Variants in SLC35F1 observed in about 807,000 individuals in gnomAD.
The protein encoded by SLC35F1 is solute carrier family 35 member F1.
SLC35F1 carries 14 observed loss-of-function variants against 48.7 expected under a neutral mutation model. The observed-to-expected ratio is 0.29, with a 90% CI of 0.19 to 0.45. SLC35F1 has a LOEUF of 0.45. Ranked by LOEUF, SLC35F1 falls within the 20% of genes least tolerant of loss-of-function variation. SLC35F1 has a pLI of 1.00. For missense variants in SLC35F1, 404 were observed against 500.0 expected (o/e 0.81, Z 1.83); for synonymous variants, 190 against 202.2 (o/e 0.94, Z 0.51).
At chr6:117,969,686 G>A (rs1776615045) in intron 1 of SLC35F1, among the ~76,000 whole-genome samples, 1 of 151,656 alleles carries the variant, frequency 6.6e-6, no homozygotes, top group African/African-American at 2.4e-5. Context: ...CTGCACTCCA[G>A]CCTGTGTAAC....
At chr6:118,105,736 T>C (rs1325559942) in intron 1 of SLC35F1, among the ~76,000 whole-genome samples, 9 of 152,226 alleles carry the variant, frequency 5.9e-5, no homozygotes, top group African/African-American at 2.2e-4. Flanking sequence ...TTATGCTTAA[T>C]GTGTGCCTGT....
At chr6:118,141,284 G>A (rs1249254558) in intron 1 of SLC35F1, among the ~76,000 whole-genome samples, 2 of 152,148 alleles carry the variant, frequency 1.3e-5, no homozygotes, top group African/African-American at 4.8e-5. Flanking sequence ...TTACCATTGT[G>A]TTACAACTGC....
At chr6:118,288,972 T>A (rs1442961451) in intron 7 of SLC35F1, among the ~76,000 whole-genome samples, 2 of 152,204 alleles carry the variant, frequency 1.3e-5, no homozygotes, top group Non-Finnish European at 2.9e-5. Context: ...GCACAGGGAT[T>A]GCTCATGCTG....
At chr6:118,140,513 G>A (rs534603050) in intron 1 of SLC35F1, among the ~76,000 whole-genome samples, 13 of 151,880 alleles carry the variant, frequency 8.6e-5, no homozygotes, top group African/African-American at 1.4e-4. Context: ...ATATAATTAC[G>A]TATTATAATA....
chr6:118,186,026 C>T (rs1343019281), intron 2 of SLC35F1, among the ~76,000 whole-genome samples: 1 of 152,150 alleles, frequency 6.6e-6, no homozygotes, highest in Non-Finnish European at 1.5e-5. Context: ...TGTATCCTGA[C>T]ACTTACCTGC....
At chr6:117,909,728 AT>A (rs948946397) in intron 1 of SLC35F1, among the ~76,000 whole-genome samples, 1 of 152,054 alleles carries the variant, frequency 6.6e-6, no homozygotes, top group Non-Finnish European at 1.5e-5. Flanking sequence ...TATTCAACTC[AT>A]TTTTTTTCTA....
At chr6:118,236,035 TA>T (rs969578229) in intron 3 of SLC35F1, among the ~76,000 whole-genome samples, 4 of 152,222 alleles carry the variant, frequency 2.6e-5, no homozygotes, top group African/African-American at 9.6e-5. Context: ...TCACAACTTA[TA>T]ACTTTTTAGA....
intron 1 of SLC35F1, among the ~76,000 whole-genome samples, chr6:117,916,250 C>G (rs1267634607): frequency 2.0e-5 from 3 of 152,112 alleles, no homozygotes; most frequent in Non-Finnish European, 4.4e-5. Flanking sequence ...AGAATCGGGT[C>G]TTGTATTTTG....
intron 7 of SLC35F1, among the ~76,000 whole-genome samples, chr6:118,302,585 T>C (rs1037223848): frequency 1.3e-5 from 2 of 152,186 alleles, no homozygotes; most frequent in African/African-American, 2.4e-5. Flanking sequence ...GGTTCATGAA[T>C]GTCAAACTTA....
intron 4 of SLC35F1, among the ~76,000 whole-genome samples, chr6:118,268,641 G>T (rs568268362): frequency 1.8e-5 from 2 of 110,084 alleles, no homozygotes; most frequent in South Asian, 3.1e-4. Context: ...ACAGAGTCCC[G>T]CTCTGTTGCC....
chr6:118,112,152 C>T lies in SLC35F1; in HGVS notation c.174-42293C>T, dbSNP rs567941270. On this transcript the variant is annotated intron_variant, in intron 1 of 7. Transcript: ENST00000360388. ...TTTTCTTTTCTTTTCTTTTTTGAGA[C>T]GGTGTCTTGTTCTGTCACCAGGCTG... 7.4e-5 allele frequency among the ~76,000 whole-genome samples: 9 copies of T among 121,400 alleles called. No individual in the cohort carries two copies. In the South Asian group the frequency reaches 9.6e-4, roughly 13 times the overall value. 79.6% of individuals were successfully genotyped at this position (121,400 alleles called of 152,430 possible).
At chr6:118,296,808 T>G (rs570209970) in intron 7 of SLC35F1, among the ~76,000 whole-genome samples, 12 of 152,326 alleles carry the variant, frequency 7.9e-5, no homozygotes, top group African/African-American at 2.9e-4. Context: ...ATGCCTGGAA[T>G]GTGTTTGTCA....
chr6:117,939,782 G>A (rs1776206418), intron 1 of SLC35F1, among the ~76,000 whole-genome samples: 1 of 152,090 alleles, frequency 6.6e-6, no homozygotes, highest in African/African-American at 2.4e-5. Flanking sequence ...TAAATTAGGA[G>A]AGTTCTCCTT....
intron 1 of SLC35F1, among the ~76,000 whole-genome samples, chr6:118,131,426 A>G (rs559110867): frequency 1.1e-3 from 170 of 152,206 alleles, no homozygotes; most frequent in African/African-American, 4.0e-3. Flanking sequence ...ATGCACTATA[A>G]CTTAATGAGC....
At chr6:118,079,025 G>C (rs1402462024) in intron 1 of SLC35F1, among the ~76,000 whole-genome samples, 1 of 152,008 alleles carries the variant, frequency 6.6e-6, no homozygotes, top group East Asian at 1.9e-4. Context: ...AATGTATTGT[G>C]GTAAATATAT....
chr6:117,994,419 A>T (rs541617880), intron 1 of SLC35F1, among the ~76,000 whole-genome samples: 31 of 152,294 alleles, frequency 2.0e-4, no homozygotes, highest in Admixed American at 1.8e-3. Context: ...TTTGCCATAT[A>T]ACATAACATA....
At chr6:118,197,168 C>T (rs1318416058) in intron 2 of SLC35F1, among the ~76,000 whole-genome samples, 1 of 152,060 alleles carries the variant, frequency 6.6e-6, no homozygotes, top group African/African-American at 2.4e-5. Context: ...GTTATTTTGC[C>T]TAGCAATTGA....
At chr6:118,193,982 TAC>T (rs1774768102) in intron 2 of SLC35F1, among the ~76,000 whole-genome samples, 1 of 152,218 alleles carries the variant, frequency 6.6e-6, no homozygotes, top group African/African-American at 2.4e-5. Flanking sequence ...TAAAAGCCAT[TAC>T]AGTTTTTATT....
At chr6:117,917,602 G>A (rs1775842542) in intron 1 of SLC35F1, among the ~76,000 whole-genome samples, 1 of 152,106 alleles carries the variant, frequency 6.6e-6, no homozygotes, top group Non-Finnish European at 1.5e-5. Flanking sequence ...GAGCAATTGG[G>A]TGAGCGATGG....
Sources: gnomAD v4.1 joint callset for allele counts (sites outside exome capture counted in the v4.1 genomes callset) on GRCh38, gnomAD v4.1.1 for gene constraint, MANE v1.5 for transcripts, NCBI Gene and HGNC (gene_info 2026-07-23, HGNC 2026-07-21) for gene names.